Variants in EAF2 observed in about 807,000 individuals in gnomAD.
EAF2 encodes ELL associated factor 2.
EAF2 carries 29 observed loss-of-function variants against 29.4 expected under a neutral mutation model. That is an observed-to-expected ratio of 0.99 (90% CI 0.73 to 1.35). The LOEUF (loss-of-function observed/expected upper bound fraction) is 1.35. Ranked by LOEUF, EAF2 falls within the 40% of genes most tolerant of loss-of-function variation. The pLI, the probability that EAF2 is intolerant of heterozygous loss-of-function variation, is 0.00. For synonymous variants in EAF2, 103 were observed against 102.5 expected (o/e 1.00, Z -0.03); for missense variants, 292 against 312.0 (o/e 0.94, Z 0.48).
chr3:121,835,278 G>C lies in EAF2; in HGVS notation c.-8G>C, dbSNP rs775496917. On this transcript the variant is annotated 5_prime_UTR_variant, in exon 1 of 6. Transcript: ENST00000273668. ...TGGCGGAGTTAAAGTCAAAGCAGGA[G>C]AGTAATTATGAATAGCGCAGCGGGA... The C allele has an allele frequency of 1.2e-6, 2 of 1,613,912 alleles. No homozygotes were observed. The highest frequency in any genetic ancestry group is 2.2e-5 in the South Asian group (2 of 91,080).
chr3:121,844,751 C>G (rs565556774), intron 2 of EAF2, among the ~76,000 whole-genome samples: 10 of 152,204 alleles, frequency 6.6e-5, no homozygotes, highest in African/African-American at 1.9e-4. Context: ...ACTATCATAG[C>G]AAATGATTTG....
intron 5 of EAF2, among the ~76,000 whole-genome samples, chr3:121,886,113 C>T (rs1709279595): frequency 1.3e-5 from 2 of 151,956 alleles, no homozygotes; most frequent in Admixed American, 1.3e-4. Context: ...TGAAAGAAGA[C>T]TAAAATAGAT....
intron 2 of EAF2, among the ~76,000 whole-genome samples, chr3:121,849,209 A>G (rs762007633): frequency 2.6e-5 from 4 of 152,212 alleles, no homozygotes; most frequent in Non-Finnish European, 5.9e-5. Flanking sequence ...GCTTAGAGTC[A>G]GACCATAAAA....
intron 5 of EAF2, among the ~76,000 whole-genome samples, chr3:121,883,272 C>T (rs1453446237): frequency 6.6e-6 from 1 of 152,102 alleles, no homozygotes; most frequent in East Asian, 1.9e-4. Flanking sequence ...AAAATTGCGT[C>T]TACAGCTGCC....
intron 4 of EAF2, among the ~76,000 whole-genome samples, chr3:121,867,539 T>G (rs2689286): frequency 0.1 from 15,390 of 152,262 alleles, 817 homozygotes; most frequent in South Asian, 0.16. Flanking sequence ...GAATTCTGTA[T>G]CTACCAAAAT....
chr3:121,854,306 ACT>A (rs1411177286), intron 2 of EAF2, among the ~76,000 whole-genome samples: 5 of 110,768 alleles, frequency 4.5e-5, no homozygotes, highest in African/African-American at 1.8e-4. Context: ...ACAGAGCAAG[ACT>A]CTGTCTCAAA....
At chr3:121,854,882 T>G (rs9834185) in intron 3 of EAF2, 59 bp downstream of exon 3, 160,763 of 1,397,748 alleles carry the variant, frequency 0.12, 10,313 homozygotes, top group African/African-American at 0.26. Flanking sequence ...GAAATGTCAA[T>G]AAAAAATTTA....
At chr3:121,839,895 C>T (rs754205162) in intron 1 of EAF2, among the ~76,000 whole-genome samples, 4 of 152,038 alleles carry the variant, frequency 2.6e-5, no homozygotes, top group Non-Finnish European at 5.9e-5. Context: ...GACATGTCCA[C>T]GAAAAGGTAA....
At chr3:121,848,285 A>G (rs1439278861) in intron 2 of EAF2, among the ~76,000 whole-genome samples, 1 of 152,178 alleles carries the variant, frequency 6.6e-6, no homozygotes, top group African/African-American at 2.4e-5. Context: ...ATGTGTCCAT[A>G]TATGTCCATA....
At chr3:121,865,065 T>C (rs1311917739) in intron 4 of EAF2, among the ~76,000 whole-genome samples, 2 of 152,132 alleles carry the variant, frequency 1.3e-5, no homozygotes, top group African/African-American at 2.4e-5. Flanking sequence ...AGTTTTTTAA[T>C]AGAGGCCTTA....
At chr3:121,858,814 A>G (rs1708771777) in intron 4 of EAF2, among the ~76,000 whole-genome samples, 1 of 152,176 alleles carries the variant, frequency 6.6e-6, no homozygotes, top group Non-Finnish European at 1.5e-5. Flanking sequence ...TCTAACATTT[A>G]AGTCTTTAAT....
In EAF2 at chr3:121,873,022, A is replaced by G. The variant is rs543544896; in HGVS notation, c.736+234A>G. 1.9e-5 allele frequency: 14 copies of G among 737,614 alleles called. No homozygotes were observed. In the Admixed American group the frequency reaches 2.0e-4, roughly 11 times the overall value. The allele number at this position is 737,614 out of a possible 1,614,324, so 45.7% of individuals were successfully genotyped here. A position where few individuals can be genotyped will look rare whatever the true frequency, so the allele number is the denominator to read the frequency against. On this transcript the variant is annotated intron_variant, in intron 5 of 5. Transcript: ENST00000273668. ...TCCTCTCACTCCTTTTCAAGTTTAT[A>G]TGATCCTCTGCTCAGTCATTAAAGT...
In EAF2 at chr3:121,872,694, A is replaced by G. The variant is rs369018167; in HGVS notation, c.642A>G (p.Ser214=). The G allele has an allele frequency of 1.9e-6, 3 of 1,612,750 alleles. No individual in the cohort carries two copies. The highest frequency in any genetic ancestry group is 2.7e-5 in the African/African-American group (2 of 74,836). ...CTTCTGATACAGGGAATTGTGTCTC[A>G]GGACATCCTACCATGACACAGTACA... ...SSTSDTGNCV[S]GHPTMTQYRI... The change falls in exon 5 of 6, where the codon TCA becomes TCG. Residue 214 remains serine, a synonymous_variant. Coordinates refer to ENST00000273668, the MANE Select transcript of EAF2 (RefSeq NM_018456.6).
At chr3:121,855,411 G>A (rs138347898) in intron 3 of EAF2, among the ~76,000 whole-genome samples, 2 of 152,260 alleles carry the variant, frequency 1.3e-5, no homozygotes, top group East Asian at 3.9e-4. Flanking sequence ...GAGAAGTAAT[G>A]GTAGATTGGA....
Position 121,845,043 on chromosome 3 carries a change from G to C in EAF2, c.201+496G>C, listed in dbSNP as rs145825406. ...AGGACAAGTAAGATTTTATTGGGTA[G>C]ACAAGGAGTAGAATAAGCAAACAGA... On this transcript the variant is annotated intron_variant, in intron 2 of 5. Transcript: ENST00000273668. Among the ~76,000 whole-genome samples, 441 of 151,256 alleles carry C rather than the reference G, an allele frequency of 2.9e-3. 3 individuals carry two copies. Among genetic ancestry groups the C allele is most frequent in the African/African-American group, 9.9e-3 (409 of 41,210 alleles).
Position 121,879,620 on chromosome 3 carries a change from C to CTTT in EAF2, c.737-6713_737-6711dup, listed in dbSNP as rs3047611. ...TTTCTTTTCTTTTCTTTCTTTCTTTCTTTTTTTTTTTAAGGATAACCAGTT... is the reference window on the plus strand; with the variant it reads ...TTTCTTTTCTTTTCTTTCTTTCTTTCTTTTTTTTTTTTTTAAGGATAACCAGTT... On this transcript the variant is annotated intron_variant, in intron 5 of 5. Transcript: ENST00000273668. Among the ~76,000 whole-genome samples the CTTT allele has an allele frequency of 2.6e-3, 379 of 144,802 alleles. 1 individual carries two copies. The highest frequency in any genetic ancestry group is 0.014 in the Middle Eastern group (4 of 284). 95.0% of individuals were successfully genotyped at this position (144,802 alleles called of 152,430 possible).
intron 1 of EAF2, 108 bp downstream of exon 1, chr3:121,835,499 A>G (rs1708250491): frequency 4.0e-6 from 4 of 993,946 alleles, no homozygotes; most frequent in Non-Finnish European, 6.1e-6. Flanking sequence ...ACTGTTGGAG[A>G]CTACGGGGCG....
intron 5 of EAF2, among the ~76,000 whole-genome samples, chr3:121,879,236 G>A (rs1709151743): frequency 6.6e-6 from 1 of 151,956 alleles, no homozygotes; most frequent in African/African-American, 2.4e-5. Context: ...ATTATATGGG[G>A]GTTCTTTGGC....
At chr3:121,874,981 T>C (rs915624224) in intron 5 of EAF2, among the ~76,000 whole-genome samples, 1 of 151,826 alleles carries the variant, frequency 6.6e-6, no homozygotes, top group Non-Finnish European at 1.5e-5. Flanking sequence ...GGGAAACTTT[T>C]AGGGAAATAA....
Sources: gnomAD v4.1 joint callset for allele counts (sites outside exome capture counted in the v4.1 genomes callset) on GRCh38, gnomAD v4.1.1 for gene constraint, MANE v1.5 for transcripts, NCBI Gene and HGNC (gene_info 2026-07-23, HGNC 2026-07-21) for gene names.